The following AQP10 variants were observed in gnomAD, a reference collection of about 807,000 sequenced individuals.
AQP10 encodes the protein aquaporin-10.
In AQP10, 15 loss-of-function variants were observed where a neutral mutation model predicts 21.0. The observed-to-expected ratio is 0.71, with a 90% CI of 0.48 to 1.10. AQP10 has a LOEUF of 1.10. AQP10 is among the 50% of genes least tolerant of loss of function. AQP10 has a pLI of 0.00. For synonymous variants in AQP10, 143 were observed against 155.7 expected, an observed-to-expected ratio of 0.92 and a Z score of 0.61; for missense variants, 268 against 379.5, an observed-to-expected ratio of 0.71 and a Z score of 2.44.
At chr1:154,321,349 C>A in intron 1 of AQP10, 89 bp downstream of exon 1, 1 of 1,014,964 alleles carries the variant, frequency 9.9e-7, no homozygotes, top group Non-Finnish European at 1.4e-6. Flanking sequence ...CTCTTGGTGT[C>A]CCCCTTCCTC....
rs1348576584 is a variant in AQP10, at chr1:154,323,145, T to G, written c.370+26T>G. On this transcript the variant is annotated intron_variant, in intron 3 of 5. Coordinates refer to ENST00000324978, the MANE Select transcript of AQP10 (RefSeq NM_080429.3). The surrounding 1 kb of genome is among the most constrained non-coding windows in gnomAD (Gnocchi z 4.5). ...GTGACAGAGGGAACAGAGGGAGCTG[T>G]GCCTTGAGAGCACCTGTGGGTGGGC... 1.9e-6 allele frequency: 3 copies of G among 1,614,000 alleles called. No individual in the cohort carries two copies.
intron 2 of AQP10, 126 bp from the exon 3 acceptor site, chr1:154,322,855 TA>T: frequency 8.0e-7 from 1 of 1,245,060 alleles, no homozygotes; most frequent in Non-Finnish European, 1.1e-6. Context: ...CTCAATTTCC[TA>T]AGCTGTGTGA....
chr1:154,322,489 C>CTTAT (rs376265152), intron 2 of AQP10, among the ~76,000 whole-genome samples: 2 of 117,858 alleles, frequency 1.7e-5, no homozygotes, highest in African/African-American at 3.2e-5. Flanking sequence ...GTGTCTTCTT[C>CTTAT]TTTTTTTTTT....
chr1:154,324,153 ATC>A, intron 5 of AQP10, 127 bp from the exon 6 acceptor site: 1 of 1,110,122 alleles, frequency 9.0e-7, no homozygotes, highest in Non-Finnish European at 1.2e-6. Flanking sequence ...TGACAAGGCA[ATC>A]CTCTTCCTGG....
In AQP10 at chr1:154,322,022, C is replaced by A. The variant is rs1182265391; in HGVS notation, c.195C>A (p.Ala65=). ...CCATGTTTCTGGCTGGCTCTCTGGC[C>A]GTTACGATAGCCATCTACGTGGGTG... ...FFTMFLAGSL[A]VTIAIYVGGN... is the part of the protein sequence containing the mutation. Residue 65 remains alanine (A), a synonymous_variant, in exon 2 of 6, where the codon GCC becomes GCA. Transcript: ENST00000324978. 6.2e-7 allele frequency: 1 copy of A among 1,613,716 alleles called. No homozygotes were observed. The highest frequency in any genetic ancestry group is 1.3e-5 in the African/African-American group (1 of 75,028).
At chr1:154,322,957 C>T in intron 2 of AQP10, 25 bp from the exon 3 acceptor site, 1 of 1,614,014 alleles carries the variant, frequency 6.2e-7, no homozygotes, top group South Asian at 1.1e-5. Flanking sequence ...AATAGATGCT[C>T]TTTTTCTTTC....
Position 154,323,312 on chromosome 1 carries a change from A to ACCTATCCTGCCC in AQP10, c.449_460dup (p.Pro150_Tyr153dup), listed in dbSNP as rs1271480857. ...CAAGGAGACAGCCTCCATTTTTGCC[A>ACCTATCCTGCCC]CCTATCCTGCCCCCTATCTGTCCCT... On this transcript the variant is annotated inframe_insertion, in exon 4 of 6. Transcript: ENST00000324978. The surrounding 1 kb of genome is among the most constrained non-coding windows in gnomAD (Gnocchi z 4.5). The ACCTATCCTGCCC allele has an allele frequency of 6.2e-7, 1 of 1,613,906 alleles. No homozygotes were observed. The highest frequency in any genetic ancestry group is 1.3e-5 in the African/African-American group (1 of 74,862).
At chr1:154,324,038 C>T in intron 5 of AQP10, 2 of 1,390,672 alleles carry the variant, frequency 1.4e-6, no homozygotes, top group African/African-American at 1.5e-5. Context: ...CTTCCATGCA[C>T]ATTAGTGACT....
intron 2 of AQP10, among the ~76,000 whole-genome samples, chr1:154,322,492 T>TTCTTCTTC (rs1558263943): frequency 1.4e-4 from 5 of 35,962 alleles, no homozygotes; most frequent in Non-Finnish European, 2.8e-4. Flanking sequence ...TCTTCTTCTT[T>TTCTTCTTC]TTTTTTTTTT....
chr1:154,321,126 A>C lies in AQP10; in HGVS notation c.-30A>C. 1 of 1,573,806 alleles carries C rather than the reference A, an allele frequency of 6.4e-7. No homozygotes were observed. Among genetic ancestry groups the C allele is most frequent in the East Asian group, 2.2e-5 (1 of 44,458 alleles). On this transcript the variant is annotated 5_prime_UTR_variant, in exon 1 of 6. Transcript: ENST00000324978. Reference sequence around the variant, plus strand: ...ACAGTGTGCCTATGCAGACAGAGGGAGCAGTGAATAGCAATAGGGTGTTTC... The same window carrying C: ...ACAGTGTGCCTATGCAGACAGAGGGCGCAGTGAATAGCAATAGGGTGTTTC...
At chr1:154,324,032 C>T in intron 5 of AQP10, 2 of 1,406,790 alleles carry the variant, frequency 1.4e-6, no homozygotes, top group Non-Finnish European at 1.9e-6. Flanking sequence ...ACATTACTTC[C>T]ATGCACATTA....
At chr1:154,324,157 T>G (rs1685709880) in intron 5 of AQP10, 125 bp from the exon 6 acceptor site, 1 of 1,123,662 alleles carries the variant, frequency 8.9e-7, no homozygotes, top group Non-Finnish European at 1.2e-6. Context: ...AAGGCAATCC[T>G]CTTCCTGGTG....
intron 2 of AQP10, among the ~76,000 whole-genome samples, chr1:154,322,489 C>CTTTTTTT (rs5777905): frequency 4.2e-4 from 50 of 117,812 alleles, no homozygotes; most frequent in Admixed American, 6.7e-4. Context: ...GTGTCTTCTT[C>CTTTTTTT]TTTTTTTTTT....
intron 2 of AQP10, among the ~76,000 whole-genome samples, chr1:154,322,489 C>CTTCTTTTTTT (rs376265152): frequency 2.6e-4 from 31 of 117,842 alleles, no homozygotes; most frequent in African/African-American, 3.5e-4. Context: ...GTGTCTTCTT[C>CTTCTTTTTTT]TTTTTTTTTT....
In AQP10 at chr1:154,323,507, T is replaced by C; in HGVS notation, c.490-82T>C. On this transcript the variant is annotated intron_variant, in intron 4 of 5. Coordinates refer to ENST00000324978, the MANE Select transcript of AQP10 (RefSeq NM_080429.3). The surrounding 1 kb of genome is among the most constrained non-coding windows in gnomAD (Gnocchi z 4.5). ...ACTGCCTGTGTTGCACAAAGCCAGA[T>C]GACATGGAATATTTGGATGAGAGAG... The C allele has an allele frequency of 6.5e-7, 1 of 1,538,178 alleles. No individual in the cohort carries two copies. Among genetic ancestry groups the C allele is most frequent in the South Asian group, 1.2e-5 (1 of 83,410 alleles).
chr1:154,323,622 T>C lies in AQP10; in HGVS notation c.523T>C (p.Leu175=). 1 of 1,614,130 alleles carries C rather than the reference T, an allele frequency of 6.2e-7. No homozygotes were observed. The change falls in exon 5 of 6, where the codon TTG becomes CTG. Residue 175 remains leucine (L), a synonymous_variant. Coordinates refer to ENST00000324978, the MANE Select transcript of AQP10 (RefSeq NM_080429.3). This position sits in a 1 kb window ranked among gnomAD's most constrained non-coding sequence, Gnocchi z 4.5. ...CACTGGGATGCTGATTGTGGGGCTC[T>C]TGGCCATCCTGGACAGACGGAACAA... is the stretch of plus-strand genomic sequence containing the variant. ...LGTGMLIVGL[L]AILDRRNKGV... is the part of the protein sequence containing the mutation.
chr1:154,324,611 C>T lies in AQP10; in HGVS notation c.*131C>T, dbSNP rs974167577. The T allele has an allele frequency of 3.2e-6, 3 of 924,158 alleles. No individual in the cohort carries two copies. In the African/African-American group the frequency reaches 5.1e-5, roughly 16 times the overall value. The allele number at this position is 924,158 out of a possible 1,614,324, so 57.2% of individuals were successfully genotyped here. On this transcript the variant is annotated 3_prime_UTR_variant, in exon 6 of 6. Coordinates refer to ENST00000324978, the MANE Select transcript of AQP10 (RefSeq NM_080429.3). ...CTTCTCTGTTTATCTGTTTGGCATC[C>T]CTTCCTCCTAAACTAAGAAGGATCC...
chr1:154,323,534 G>A lies in AQP10; in HGVS notation c.490-55G>A. 1.3e-6 allele frequency: 2 copies of A among 1,573,296 alleles called. No individual in the cohort carries two copies. Among genetic ancestry groups the A allele is most frequent in the Admixed American group, 1.7e-5 (1 of 58,666 alleles). On this transcript the variant is annotated intron_variant, in intron 4 of 5. Transcript: ENST00000324978. The surrounding 1 kb of genome is among the most constrained non-coding windows in gnomAD (Gnocchi z 4.5). The stretch of plus-strand genomic sequence containing the variant: ...ACATGGAATATTTGGATGAGAGAGG[G>A]CAGATGGAGCACCTGGCAGCTGACA...
At position 154,324,486 on chromosome 1, in the gene AQP10, A is replaced by C. The variant is rs768961215; in HGVS notation, c.*6A>C. 2 of 1,612,180 alleles carry C rather than the reference A, an allele frequency of 1.2e-6. No individual in the cohort carries two copies. The highest frequency in any genetic ancestry group is 3.3e-5 in the Admixed American group (2 of 59,766). ...TGCTGGAGTGTAAGCTATGATTAGG[A>C]CAACCCTCACTTCACTCATGGACCC... On this transcript the variant is annotated 3_prime_UTR_variant, in exon 6 of 6. Coordinates refer to ENST00000324978, the MANE Select transcript of AQP10 (RefSeq NM_080429.3).
Sources: gnomAD v4.1 joint callset for allele counts (sites outside exome capture counted in the v4.1 genomes callset) on GRCh38, gnomAD v4.1.1 for gene constraint, Gnocchi (gnomAD v3.1) non-coding constraint, MANE v1.5 for transcripts, NCBI Gene and HGNC (gene_info 2026-07-23, HGNC 2026-07-21) for gene names.